The following CYRIB variants were observed in gnomAD, a reference collection of about 807,000 sequenced individuals.
CYRIB encodes the protein CYFIP related Rac1 interactor B.
CYRIB carries 8 observed loss-of-function variants against 44.2 expected under a neutral mutation model. The ratio of observed to expected loss-of-function variants is 0.18; its 90% CI spans 0.11 to 0.33. The LOEUF is 0.33. Ranked by LOEUF, CYRIB falls within the 10% of genes least tolerant of loss-of-function variation. The probability of loss-of-function intolerance (pLI) is 1.00; values close to 1 mark genes in which losing one functional copy is unlikely to be tolerated. For synonymous variants in CYRIB, 131 were observed against 127.2 expected, an observed-to-expected ratio of 1.03 and a Z score of -0.20; for missense variants, 185 against 382.8, an observed-to-expected ratio of 0.48 and a Z score of 4.31.
intron 2 of CYRIB, chr8:129,880,552 A>C (rs2060472114): frequency 4.6e-6 from 2 of 430,782 alleles, no homozygotes; most frequent in Non-Finnish European, 6.2e-6. Flanking sequence ...CATAATTATC[A>C]ACAGGTGCAG....
intron 1 of CYRIB, among the ~76,000 whole-genome samples, chr8:130,014,615 G>T (rs760263393): frequency 3.4e-4 from 51 of 152,162 alleles, no homozygotes; most frequent in Admixed American, 1.2e-3. Flanking sequence ...AGGAGAAGGG[G>T]TGGCTGTCAG....
intron 1 of CYRIB, among the ~76,000 whole-genome samples, chr8:129,981,056 G>A (rs2096218800): frequency 6.6e-6 from 1 of 151,998 alleles, no homozygotes. Context: ...GAAGACAGAG[G>A]AGGAAGGAAA....
chr8:129,862,763 C>T (rs1044522104), intron 4 of CYRIB, among the ~76,000 whole-genome samples: 7 of 152,196 alleles, frequency 4.6e-5, no homozygotes, highest in Admixed American at 4.6e-4. Flanking sequence ...TGAGCCACCA[C>T]GCACGGCTGA....
At chr8:129,853,114 CATTTCAGAGAT>C (rs1404595457) in intron 7 of CYRIB, among the ~76,000 whole-genome samples, 1 of 152,112 alleles carries the variant, frequency 6.6e-6, no homozygotes, top group Non-Finnish European at 1.5e-5. Flanking sequence ...ATGGAGAAGA[CATTTCAGAGAT>C]ATTTCACTTG....
chr8:129,923,530 G>A (rs565986405), intron 1 of CYRIB, among the ~76,000 whole-genome samples: 5 of 152,044 alleles, frequency 3.3e-5, no homozygotes, highest in Middle Eastern at 3.4e-3. Context: ...CCACCTAAGC[G>A]TCCCAAAGTG....
intron 2 of CYRIB, chr8:129,970,742 T>A (rs1042820212): frequency 4.6e-5 from 7 of 152,206 alleles, no homozygotes; most frequent in Non-Finnish European, 1.5e-5. Flanking sequence ...GTTCATGGAA[T>A]GAATGAATAT....
intron 1 of CYRIB, among the ~76,000 whole-genome samples, chr8:129,978,850 T>C (rs756490007): frequency 8.5e-5 from 13 of 152,080 alleles, no homozygotes; most frequent in Non-Finnish European, 1.8e-4. Context: ...AATATATCAA[T>C]GTTGGCCGGG....
intron 1 of CYRIB, among the ~76,000 whole-genome samples, chr8:129,908,335 T>C (rs1296101711): frequency 1.3e-5 from 2 of 151,840 alleles, no homozygotes; most frequent in Non-Finnish European, 2.9e-5. Context: ...GGCAAAACAA[T>C]AAATTATGAA....
At position 129,849,372 on chromosome 8, in the gene CYRIB, G is replaced by A; in HGVS notation, c.714-3C>T. 1 of 1,605,000 alleles carries A rather than the reference G, an allele frequency of 6.2e-7. No homozygotes were observed. The highest frequency in any genetic ancestry group is 8.5e-7 in the Non-Finnish European group (1 of 1,177,650). On this transcript the variant is annotated splice_polypyrimidine_tract_variant and splice_region_variant and intron_variant, in intron 9 of 11. Transcript: ENST00000519824. The stretch of plus-strand genomic sequence containing the variant: ...TTGTAAATCTGCTTCTGTATTCCCT[G>A]AAGAGTAGATAAGATATGCATGGAA...
intron 1 of CYRIB, among the ~76,000 whole-genome samples, chr8:129,997,912 A>G (rs1172533178): frequency 6.6e-6 from 1 of 151,888 alleles, no homozygotes; most frequent in Admixed American, 6.6e-5. Context: ...CATGAGGTCA[A>G]GAGATCGAGA....
At chr8:129,911,619 G>A (rs2078076254) in intron 1 of CYRIB, among the ~76,000 whole-genome samples, 1 of 151,868 alleles carries the variant, frequency 6.6e-6, no homozygotes, top group Admixed American at 6.6e-5. Flanking sequence ...GACCAACATG[G>A]TGAAACCCTG....
intron 1 of CYRIB, among the ~76,000 whole-genome samples, chr8:129,990,497 CGT>C (rs34534615): frequency 0.037 from 5,397 of 147,188 alleles, 235 homozygotes; most frequent in African/African-American, 0.1. Context: ...TGTGTGTATG[CGT>C]GTGTGTGTGT....
chr8:129,924,252 C>A (rs1169101507), intron 1 of CYRIB, among the ~76,000 whole-genome samples: 1 of 121,394 alleles, frequency 8.2e-6, no homozygotes, highest in Non-Finnish European at 1.6e-5. Flanking sequence ...GCAGCCCAAG[C>A]GACAGAGTGA....
At chr8:130,000,518 C>A (rs2096884829) in intron 1 of CYRIB, among the ~76,000 whole-genome samples, 1 of 151,770 alleles carries the variant, frequency 6.6e-6, no homozygotes, top group Non-Finnish European at 1.5e-5. Context: ...CACAGTGAAA[C>A]CCCATCTCTA....
chr8:129,986,101 GC>G (rs1440455022), intron 1 of CYRIB, among the ~76,000 whole-genome samples: 4 of 152,182 alleles, frequency 2.6e-5, no homozygotes, highest in African/African-American at 7.2e-5. Flanking sequence ...AGAAAGTACT[GC>G]GATCTGTGCC....
chr8:129,922,905 T>C (rs1281523574), intron 1 of CYRIB, among the ~76,000 whole-genome samples: 2 of 146,978 alleles, frequency 1.4e-5, no homozygotes, highest in African/African-American at 2.5e-5. Flanking sequence ...GTTTTATACA[T>C]TCCAAACTAC....
At chr8:130,003,366 A>G (rs184558005) in intron 1 of CYRIB, among the ~76,000 whole-genome samples, 1 of 152,338 alleles carries the variant, frequency 6.6e-6, no homozygotes, top group East Asian at 1.9e-4. Flanking sequence ...ATCAATTGCA[A>G]TAGTTGCCCA....
At chr8:130,008,146 T>A (rs561066491) in intron 1 of CYRIB, among the ~76,000 whole-genome samples, 1 of 152,024 alleles carries the variant, frequency 6.6e-6, no homozygotes, top group East Asian at 1.9e-4. Flanking sequence ...GAGGTGGAGG[T>A]TGCAGTGAGC....
At chr8:129,880,831 T>A (rs191602513) in intron 2 of CYRIB, among the ~76,000 whole-genome samples, 60 of 152,322 alleles carry the variant, frequency 3.9e-4, no homozygotes, top group Middle Eastern at 6.8e-3. Context: ...ACCATTTTTT[T>A]AAATAATAGG....
Sources: gnomAD v4.1 joint callset for allele counts (sites outside exome capture counted in the v4.1 genomes callset) on GRCh38, gnomAD v4.1.1 for gene constraint, MANE v1.5 for transcripts, NCBI Gene and HGNC (gene_info 2026-07-23, HGNC 2026-07-21) for gene names.